Variants in MIOS observed in about 807,000 individuals in gnomAD.
MIOS encodes GATOR2 complex protein MIOS.
MIOS carries 52 observed loss-of-function variants against 96.9 expected under a neutral mutation model. The ratio of observed to expected loss-of-function variants is 0.54; its 90% CI spans 0.43 to 0.68. The LOEUF (loss-of-function observed/expected upper bound fraction) is 0.68. Among genes scored for constraint, MIOS ranks in the 30% least tolerant of loss-of-function variants. The pLI is 0.00. For missense variants in MIOS, 1,005 were observed against 1,052.8 expected (o/e 0.95, Z 0.63); for synonymous variants, 397 against 359.5 (o/e 1.10, Z -1.18).
chr7:7,596,135 T>A, intron 10 of MIOS, 122 bp from the exon 11 acceptor site: 1 of 852,660 alleles, frequency 1.2e-6, no homozygotes, highest in African/African-American at 1.7e-5. Flanking sequence ...CAGATCAATT[T>A]TGAAATATAA....
rs755463601 is a variant in MIOS at position 7,583,207 on chromosome 7, C to A, written c.1483C>A (p.Gln495Lys). ...NLNEERILAL[Q>K]LCGWIKKGTD... Reference sequence around the variant, plus strand: ...AAATGAAGAGAGAATCTTAGCTTTACAGCTTTGTGGGTGGATAAAGAAAGG... The same window carrying A: ...AAATGAAGAGAGAATCTTAGCTTTAAAGCTTTGTGGGTGGATAAAGAAAGG... The change falls in exon 6 of 13, where the codon CAG (glutamine) becomes AAG (lysine). Residue 495 changes from glutamine (Q) to lysine (K), a missense_variant. Gln to Lys is a moderately conservative substitution (Grantham distance 53). This residue lies in a region of MIOS where 865 missense variants were observed against 887.9 expected (regional missense o/e 0.97). Transcript: ENST00000340080. 6.2e-7 allele frequency: 1 copy of A among 1,614,104 alleles called. No individual in the cohort carries two copies. The highest frequency in any genetic ancestry group is 1.7e-5 in the Admixed American group (1 of 60,020).
At chr7:7,574,074 A>G (rs748881501) in intron 4 of MIOS, 24 bp from the exon 5 acceptor site, 3 of 1,481,280 alleles carry the variant, frequency 2.0e-6, no homozygotes, top group South Asian at 1.2e-5. Context: ...ATGCATCACT[A>G]GTATTTCCTA....
rs983436224 is a variant in MIOS at position 7,595,562 on chromosome 7, A to G, written c.2196+430A>G. The stretch of plus-strand genomic sequence containing the variant: ...TTTTAGCATTAGTTTAAAAAATGAG[A>G]TTGTTGTCACATAAGGTATACCACA... On this transcript the variant is annotated intron_variant, in intron 10 of 12. Coordinates refer to ENST00000340080, the MANE Select transcript of MIOS (RefSeq NM_019005.4). Among the ~76,000 whole-genome samples, 7 of 152,304 alleles carry G rather than the reference A, an allele frequency of 4.6e-5. No individual in the cohort carries two copies. In the East Asian group the frequency reaches 1.2e-3, roughly 25 times the overall value.
chr7:7,603,662 C>T (rs1292211429), intron 11 of MIOS, among the ~76,000 whole-genome samples: 3 of 152,162 alleles, frequency 2.0e-5, no homozygotes, highest in Non-Finnish European at 4.4e-5. Flanking sequence ...GGCGATTCCT[C>T]AGGGATCTAG....
chr7:7,576,867 T>A (rs1783550198), intron 5 of MIOS, among the ~76,000 whole-genome samples: 1 of 152,072 alleles, frequency 6.6e-6, no homozygotes, highest in African/African-American at 2.4e-5. Flanking sequence ...ATTAATTAGA[T>A]AAAGGGGTGG....
intron 9 of MIOS, among the ~76,000 whole-genome samples, chr7:7,591,434 ACTC>A (rs1665451541): frequency 6.8e-6 from 1 of 147,548 alleles, no homozygotes; most frequent in Non-Finnish European, 1.5e-5. Flanking sequence ...TCACGCCACC[ACTC>A]CTGGCTAATT....
At chr7:7,586,152 GCA>G (rs1783879693) in intron 7 of MIOS, among the ~76,000 whole-genome samples, 1 of 102,562 alleles carries the variant, frequency 9.8e-6, no homozygotes, top group African/African-American at 3.9e-5. Flanking sequence ...GTGCACACAT[GCA>G]CGTGTGTGTG....
At chr7:7,588,962 T>C (rs1783969281) in intron 8 of MIOS, among the ~76,000 whole-genome samples, 1 of 152,000 alleles carries the variant, frequency 6.6e-6, no homozygotes, top group African/African-American at 2.4e-5. Context: ...TAATGAAAAA[T>C]GCTGGGGAAA....
At chr7:7,603,672 G>C (rs1784442808) in intron 11 of MIOS, among the ~76,000 whole-genome samples, 1 of 152,148 alleles carries the variant, frequency 6.6e-6, no homozygotes, top group African/African-American at 2.4e-5. Context: ...CAGGGATCTA[G>C]AACTAGAAAT....
At chr7:7,575,368 A>G (rs569745151) in intron 5 of MIOS, among the ~76,000 whole-genome samples, 1 of 152,254 alleles carries the variant, frequency 6.6e-6, no homozygotes. Context: ...AAGATGCAGT[A>G]GACTACTTAC....
chr7:7,578,040 G>C lies in MIOS; in HGVS notation c.1393+3844G>C, dbSNP rs143130181. 2.5e-3 allele frequency among the ~76,000 whole-genome samples: 374 copies of C among 152,306 alleles called. 2 individuals carry two copies. Among genetic ancestry groups the C allele is most frequent in the Non-Finnish European group, 4.0e-3 (269 of 68,022 alleles). ...CACTGCGAGGTTGTGAAAAATATAA[G>C]GAAGTGAGATTTTTGGAAGGCTATG... On this transcript the variant is annotated intron_variant, in intron 5 of 12. Coordinates refer to ENST00000340080, the MANE Select transcript of MIOS (RefSeq NM_019005.4).
At position 7,594,925 on chromosome 7, in the gene MIOS, T is replaced by C. The variant is rs1784160747; in HGVS notation, c.2044-55T>C. On this transcript the variant is annotated intron_variant, in intron 9 of 12. Coordinates refer to ENST00000340080, the MANE Select transcript of MIOS (RefSeq NM_019005.4). ...CATACTTACATGCTACCCAGAAGTC[T>C]CTGGCCTAGCCAGGAGATTTTAAAC... 2.9e-6 allele frequency: 4 copies of C among 1,397,876 alleles called. No homozygotes were observed. The South Asian group carries it at 4.4e-5, about 15-fold the overall frequency. 86.6% of individuals were successfully genotyped at this position (1,397,876 alleles called of 1,614,324 possible). A position where few individuals can be genotyped will look rare whatever the true frequency, so the allele number is the denominator to read the frequency against.
Position 7,573,666 on chromosome 7 carries a change from G to A in MIOS, c.1191G>A (p.Arg397=). 7 of 1,613,898 alleles carry A rather than the reference G, an allele frequency of 4.3e-6. No homozygotes were observed. The highest frequency in any genetic ancestry group is 5.9e-6 in the Non-Finnish European group (7 of 1,179,908). Residue 397 remains arginine, a synonymous_variant, in exon 4 of 13, where the codon CGG becomes CGA. Transcript: ENST00000340080. The surrounding 1 kb of genome is among the most constrained non-coding windows in gnomAD (Gnocchi z 5.0). The part of the protein sequence containing the change: ...EKDIATKMRL[R]ALSRYGLDTE... Reference sequence around the variant, plus strand: ...ATATAGCAACGAAGATGCGTCTTCGGGCTTTATCAAGGTATGGACTTGATA... The same window carrying A: ...ATATAGCAACGAAGATGCGTCTTCGAGCTTTATCAAGGTATGGACTTGATA...
chr7:7,585,914 C>T, intron 7 of MIOS, 109 bp downstream of exon 7: 2 of 998,750 alleles, frequency 2.0e-6, no homozygotes, highest in South Asian at 2.2e-5. Flanking sequence ...TATTTTTATG[C>T]ATATGTTATT....
chr7:7,604,756 T>C (rs1348193880), intron 11 of MIOS, among the ~76,000 whole-genome samples: 1 of 152,192 alleles, frequency 6.6e-6, no homozygotes, highest in African/African-American at 2.4e-5. Context: ...ATACTTCCAG[T>C]TTCGTCAGAA....
intron 5 of MIOS, 96 bp from the exon 6 acceptor site, chr7:7,583,018 TTAAA>T: frequency 7.9e-7 from 1 of 1,268,520 alleles, no homozygotes; most frequent in Non-Finnish European, 1.1e-6. Flanking sequence ...GGCCGAGAAG[TTAAA>T]TATTCTAAAT....
intron 11 of MIOS, among the ~76,000 whole-genome samples, chr7:7,600,481 T>G (rs1330586407): frequency 2.0e-5 from 3 of 152,164 alleles, no homozygotes; most frequent in Admixed American, 6.5e-5. Context: ...GGCCATTACA[T>G]AATGGTAAAG....
At chr7:7,582,035 C>T (rs901487485) in intron 5 of MIOS, among the ~76,000 whole-genome samples, 2 of 151,960 alleles carry the variant, frequency 1.3e-5, no homozygotes, top group African/African-American at 4.8e-5. Flanking sequence ...CGGGCCAGGA[C>T]AGGAATGCAG....
At chr7:7,602,043 C>T (rs539234588) in intron 11 of MIOS, among the ~76,000 whole-genome samples, 24 of 152,268 alleles carry the variant, frequency 1.6e-4, no homozygotes, top group African/African-American at 5.5e-4. Flanking sequence ...TAAAAACTCT[C>T]AATAAATTAG....
Sources: gnomAD v4.1 joint callset for allele counts (sites outside exome capture counted in the v4.1 genomes callset) on GRCh38, gnomAD v4.1.1 for gene constraint, gnomAD v4.1.1 regional missense constraint, Gnocchi (gnomAD v3.1) non-coding constraint, MANE v1.5 for transcripts, NCBI Gene and HGNC (gene_info 2026-07-23, HGNC 2026-07-21) for gene names.